The following C8A variants were observed in gnomAD, a reference collection of about 807,000 sequenced individuals.
The protein encoded by C8A is complement C8 alpha chain.
C8A carries 67 observed loss-of-function variants against 65.3 expected under a neutral mutation model. That is an observed-to-expected ratio of 1.03 (90% confidence interval 0.84 to 1.26). C8A has a LOEUF of 1.26. C8A is among the 50% of genes most tolerant of loss of function. C8A has a pLI of 0.00. For synonymous variants in C8A, 290 were observed against 259.4 expected (o/e 1.12, Z -1.13); for missense variants, 781 against 723.9 (o/e 1.08, Z -0.90).
chr1:56,857,303 T>TACACAC (rs71048450), intron 1 of C8A, among the ~76,000 whole-genome samples: 6,377 of 148,856 alleles, frequency 0.043, 161 homozygotes, highest in East Asian at 0.098. Flanking sequence ...TGTTATTAAA[T>TACACAC]ACACACACAC....
intron 7 of C8A, among the ~76,000 whole-genome samples, chr1:56,902,799 G>A (rs577617589): frequency 5.9e-5 from 9 of 152,094 alleles, no homozygotes; most frequent in Admixed American, 3.3e-4. Flanking sequence ...AGGTTCAATC[G>A]CATTGTCACA....
intron 10 of C8A, among the ~76,000 whole-genome samples, chr1:56,914,968 A>C (rs1644539662): frequency 6.6e-6 from 1 of 150,690 alleles, no homozygotes; most frequent in African/African-American, 2.5e-5. Flanking sequence ...ATGAGCCACC[A>C]CATTCAGCCC....
intron 7 of C8A, among the ~76,000 whole-genome samples, chr1:56,900,062 A>G (rs1310810280): frequency 1.3e-5 from 2 of 152,200 alleles, no homozygotes; most frequent in Non-Finnish European, 2.9e-5. Context: ...AGTAGGAGGA[A>G]GACATGGGAC....
Position 56,867,721 on chromosome 1 carries a change from G to A in C8A, c.171+19G>A. Reference sequence around the variant, plus strand: ...CAAAAAGGTGAGACACTTACAACCGGTTTGGGGGCATTTCATATTTGATAT... The same window carrying A: ...CAAAAAGGTGAGACACTTACAACCGATTTGGGGGCATTTCATATTTGATAT... On this transcript the variant is annotated intron_variant, in intron 2 of 10. Transcript: ENST00000361249. 2 of 1,580,690 alleles carry A rather than the reference G, an allele frequency of 1.3e-6. No individual in the cohort carries two copies. Among genetic ancestry groups the A allele is most frequent in the African/African-American group, 1.3e-5 (1 of 74,342 alleles).
chr1:56,878,843 A>G (rs569806742), intron 4 of C8A, among the ~76,000 whole-genome samples: 1 of 152,320 alleles, frequency 6.6e-6, no homozygotes, highest in South Asian at 2.1e-4. Context: ...TATGCATTAT[A>G]TAGAAAATAT....
intron 4 of C8A, among the ~76,000 whole-genome samples, chr1:56,877,144 C>A (rs2101222099): frequency 6.6e-6 from 1 of 152,282 alleles, no homozygotes; most frequent in Non-Finnish European, 1.5e-5. Flanking sequence ...GTCTTTGAGA[C>A]AGGAAGAGAG....
At chr1:56,890,303 C>T (rs1644334738) in intron 7 of C8A, among the ~76,000 whole-genome samples, 1 of 152,146 alleles carries the variant, frequency 6.6e-6, no homozygotes. Context: ...TCTGATATTG[C>T]TCCACCCCTT....
chr1:56,893,730 C>A, intron 7 of C8A, among the ~76,000 whole-genome samples: 1 of 152,156 alleles, frequency 6.6e-6, no homozygotes, highest in South Asian at 2.1e-4. Flanking sequence ...TCATCTGCCT[C>A]ATAGAGTGGT....
intron 6 of C8A, among the ~76,000 whole-genome samples, chr1:56,884,870 A>G (rs998972325): frequency 4.7e-4 from 71 of 152,296 alleles, no homozygotes; most frequent in African/African-American, 1.7e-3. Context: ...TGTCCTCTGC[A>G]CCTAGTGTAA....
At position 56,886,157 on chromosome 1, in the gene C8A, G is replaced by T; in HGVS notation, c.1086G>T (p.Met362Ile). The T allele has an allele frequency of 6.2e-7, 1 of 1,613,866 alleles. No individual in the cohort carries two copies. Among genetic ancestry groups the T allele is most frequent in the East Asian group, 2.2e-5 (1 of 44,860 alleles). Reference protein sequence around the residue: ...EYILVIDKAKMESLGITSRDI... With the variant: ...EYILVIDKAKIESLGITSRDI... Reference sequence around the variant, plus strand: ...TCCTGGTGATTGACAAAGCAAAAATGGAATCCCTTGGTAAGTAAAGCAGAA... The same window carrying T: ...TCCTGGTGATTGACAAAGCAAAAATTGAATCCCTTGGTAAGTAAAGCAGAA... Residue 362 changes from methionine to isoleucine, a missense_variant, in exon 7 of 11, where the codon ATG becomes ATT. Coordinates refer to ENST00000361249, the MANE Select transcript of C8A (RefSeq NM_000562.3).
intron 10 of C8A, among the ~76,000 whole-genome samples, chr1:56,915,757 T>A (rs1774891): frequency 6.6e-6 from 1 of 152,064 alleles, no homozygotes. Context: ...AGCTGGGGAA[T>A]GAAAGAGACA....
intron 1 of C8A, among the ~76,000 whole-genome samples, chr1:56,858,780 G>T (rs1041535829): frequency 2.6e-5 from 4 of 152,194 alleles, no homozygotes; most frequent in African/African-American, 9.7e-5. Flanking sequence ...TGTTATTCAG[G>T]GTAACTAATC....
chr1:56,910,967 G>T (rs573742488), intron 9 of C8A, among the ~76,000 whole-genome samples: 7 of 151,616 alleles, frequency 4.6e-5, no homozygotes, highest in African/African-American at 1.7e-4. Flanking sequence ...TAAAATGAGA[G>T]ATCTGGAGAA....
At chr1:56,903,252 G>A (rs1644439909) in intron 7 of C8A, among the ~76,000 whole-genome samples, 1 of 152,114 alleles carries the variant, frequency 6.6e-6, no homozygotes, top group South Asian at 2.1e-4. Flanking sequence ...TTAATCATGG[G>A]GGTGGTTACT....
At chr1:56,875,678 A>G (rs1644191543) in intron 3 of C8A, among the ~76,000 whole-genome samples, 2 of 152,258 alleles carry the variant, frequency 1.3e-5, no homozygotes, top group South Asian at 4.1e-4. Flanking sequence ...TGTTTGCAGC[A>G]TCAGGGCTTT....
chr1:56,869,021 T>C (rs1194041718), intron 2 of C8A, among the ~76,000 whole-genome samples: 1 of 152,206 alleles, frequency 6.6e-6, no homozygotes, highest in Non-Finnish European at 1.5e-5. Flanking sequence ...CCTTCTTTTA[T>C]TTTTTCATTT....
chr1:56,881,350 G>T lies in C8A; in HGVS notation c.465-95G>T, dbSNP rs553599035. ...GTGCAGGTTTGTCACATAGGTAAAC[G>T]TGTGCCATGGTGGTTTAATATACAG... On this transcript the variant is annotated intron_variant, in intron 4 of 10. Coordinates refer to ENST00000361249, the MANE Select transcript of C8A (RefSeq NM_000562.3). The T allele has an allele frequency of 9.8e-6, 12 of 1,219,878 alleles. No individual in the cohort carries two copies. In the African/African-American group the frequency reaches 1.8e-4, roughly 18 times the overall value. The allele number at this position is 1,219,878 out of a possible 1,614,324, so 75.6% of individuals were successfully genotyped here. A position where few individuals can be genotyped will look rare whatever the true frequency, so the allele number is the denominator to read the frequency against.
chr1:56,907,348 G>C (rs1465332316), intron 8 of C8A, among the ~76,000 whole-genome samples: 1 of 152,180 alleles, frequency 6.6e-6, no homozygotes, highest in African/African-American at 2.4e-5. Context: ...AATGCAGTGG[G>C]TGGAATAGAT....
At chr1:56,883,805 T>A in intron 6 of C8A, 124 bp downstream of exon 6, 1 of 819,230 alleles carries the variant, frequency 1.2e-6, no homozygotes, top group Non-Finnish European at 2.0e-6. Flanking sequence ...ATTGGAAATG[T>A]CTGATCAGTG....
Sources: allele counts gnomAD v4.1 joint callset (sites outside exome capture counted in the v4.1 genomes callset), GRCh38; gene constraint gnomAD v4.1.1; transcripts MANE v1.5; gene names NCBI Gene and HGNC (gene_info 2026-07-23, HGNC 2026-07-21).